The following WWP2 variants were observed in gnomAD, a reference collection of about 807,000 sequenced individuals.
The protein encoded by WWP2 is NEDD4-like E3 ubiquitin-protein ligase WWP2.
Under a neutral mutation model 121.0 loss-of-function variants are expected in WWP2, and 57 were observed. The observed-to-expected ratio is 0.47, with a 90% CI of 0.38 to 0.59. The LOEUF is 0.59. WWP2 is among the 20% of genes least tolerant of loss of function. The probability of loss-of-function intolerance (pLI) is 0.00; values close to 1 mark genes in which losing one functional copy is unlikely to be tolerated. For missense variants in WWP2, 962 were observed against 1,158.9 expected (o/e 0.83, Z 2.47); for synonymous variants, 449 against 441.3 (o/e 1.02, Z -0.22).
In WWP2 at chr16:69,811,119, C is replaced by T. The variant is rs1366456207; in HGVS notation, c.340+11824C>T. Among the ~76,000 whole-genome samples the T allele has an allele frequency of 6.6e-5, 10 of 152,222 alleles. 1 individual carries two copies. In the South Asian group the frequency reaches 2.1e-3, roughly 32 times the overall value. ...CTTATCAGCATGTTTCATCTGTTCC[C>T]ACCCACTGGCTGCTCTTAATTTCTT... On this transcript the variant is annotated intron_variant, in intron 4 of 23. Coordinates refer to ENST00000359154, the MANE Select transcript of WWP2 (RefSeq NM_001270454.2).
intron 4 of WWP2, among the ~76,000 whole-genome samples, chr16:69,810,259 G>T (rs377377176): frequency 2.0e-5 from 3 of 152,260 alleles, no homozygotes; most frequent in African/African-American, 7.2e-5. Context: ...CTCACGTCCC[G>T]CAGTGGCGGA....
chr16:69,875,397 A>G (rs961779163), intron 7 of WWP2, among the ~76,000 whole-genome samples: 1 of 152,242 alleles, frequency 6.6e-6, no homozygotes, highest in African/African-American at 2.4e-5. Flanking sequence ...GTTGAAGGTC[A>G]GGGTGGCTGT....
intron 4 of WWP2, among the ~76,000 whole-genome samples, chr16:69,803,726 G>A (rs2056219924): frequency 6.6e-6 from 1 of 152,186 alleles, no homozygotes; most frequent in African/African-American, 2.4e-5. Flanking sequence ...TAGCCAATAT[G>A]GTGAGACCCT....
chr16:69,872,833 G>A lies in WWP2; in HGVS notation c.703+902G>A, dbSNP rs145832829. 1.9e-3 allele frequency among the ~76,000 whole-genome samples: 286 copies of A among 152,306 alleles called. 5 individuals carry two copies. Among genetic ancestry groups the A allele is most frequent in the African/African-American group, 6.4e-3 (265 of 41,562 alleles). Reference sequence around the variant, plus strand: ...GCTCTGCTTCCCCGTAAGTGAGACGGGAAGGACCTATTTCAAAACAACTCA... The same window carrying A: ...GCTCTGCTTCCCCGTAAGTGAGACGAGAAGGACCTATTTCAAAACAACTCA... On this transcript the variant is annotated intron_variant, in intron 7 of 23. Coordinates refer to ENST00000359154, the MANE Select transcript of WWP2 (RefSeq NM_001270454.2).
At chr16:69,768,038 A>G (rs966160609) in intron 1 of WWP2, among the ~76,000 whole-genome samples, 3 of 151,952 alleles carry the variant, frequency 2.0e-5, no homozygotes, top group African/African-American at 7.3e-5. Context: ...GGGTCCCACT[A>G]TGTTACTCAG....
intron 16 of WWP2, among the ~76,000 whole-genome samples, chr16:69,932,870 A>G (rs2151993382): frequency 6.6e-6 from 1 of 152,234 alleles, no homozygotes; most frequent in East Asian, 1.9e-4. Context: ...AGAGAGAGAG[A>G]GCGCTGTGGC....
chr16:69,869,610 G>A (rs1007596496), intron 6 of WWP2, among the ~76,000 whole-genome samples: 7 of 152,010 alleles, frequency 4.6e-5, no homozygotes, highest in African/African-American at 9.7e-5. Context: ...CTCCCAAAGC[G>A]TTGGGATTAC....
chr16:69,770,363 G>A (rs906897159), intron 1 of WWP2, among the ~76,000 whole-genome samples: 13 of 152,244 alleles, frequency 8.5e-5, no homozygotes, highest in South Asian at 4.1e-4. Flanking sequence ...TCATGCCTGC[G>A]TAATGAAGCT....
At chr16:69,801,232 A>T (rs929641226) in intron 4 of WWP2, among the ~76,000 whole-genome samples, 15 of 145,034 alleles carry the variant, frequency 1.0e-4, no homozygotes, top group Non-Finnish European at 1.2e-4. Context: ...TTTTATTTTT[A>T]TATATATATA....
At chr16:69,905,735 T>C (rs1337722591) in intron 8 of WWP2, among the ~76,000 whole-genome samples, 1 of 152,252 alleles carries the variant, frequency 6.6e-6, no homozygotes, top group East Asian at 1.9e-4. Flanking sequence ...AGATCAGGAT[T>C]GGGAAGCCAC....
chr16:69,848,965 G>A (rs1479777357), intron 6 of WWP2, among the ~76,000 whole-genome samples: 1 of 151,950 alleles, frequency 6.6e-6, no homozygotes, highest in African/African-American at 2.4e-5. Flanking sequence ...TTTTTGTCCT[G>A]CTTTGATGAA....
chr16:69,771,795 G>A (rs755439660), intron 1 of WWP2, among the ~76,000 whole-genome samples: 1 of 151,904 alleles, frequency 6.6e-6, no homozygotes, highest in African/African-American at 2.4e-5. Flanking sequence ...ACCCAAGTGC[G>A]GGAAGGTGAG....
At chr16:69,921,013 C>T (rs1460716163) in intron 10 of WWP2, among the ~76,000 whole-genome samples, 2 of 152,032 alleles carry the variant, frequency 1.3e-5, no homozygotes, top group Admixed American at 6.6e-5. Context: ...GGAGGGTTCC[C>T]TAGAAGTAAA....
intron 7 of WWP2, among the ~76,000 whole-genome samples, chr16:69,884,165 C>T (rs2057881866): frequency 6.6e-6 from 1 of 152,180 alleles, no homozygotes; most frequent in African/African-American, 2.4e-5. Context: ...CATGTGTATG[C>T]ACACAAACTC....
rs1005978453 is a variant in WWP2 at position 69,925,798 on chromosome 16, C to T, written c.1234+314C>T. Reference sequence around the variant, plus strand: ...GGTCTTGAGTTTCAAGGTGTCTACTCAAGAGTCCATGCTACCACTAAGATA... The same window carrying T: ...GGTCTTGAGTTTCAAGGTGTCTACTTAAGAGTCCATGCTACCACTAAGATA... On this transcript the variant is annotated intron_variant, in intron 11 of 23. Coordinates refer to ENST00000359154, the MANE Select transcript of WWP2 (RefSeq NM_001270454.2). This position sits in a 1 kb window ranked among gnomAD's most constrained non-coding sequence, Gnocchi z 4.0. Among the ~76,000 whole-genome samples the T allele has an allele frequency of 2.0e-5, 3 of 152,186 alleles. No homozygotes were observed. The highest frequency in any genetic ancestry group is 4.4e-5 in the Non-Finnish European group (3 of 68,042).
intron 6 of WWP2, among the ~76,000 whole-genome samples, chr16:69,849,383 A>G (rs1332645880): frequency 2.6e-5 from 4 of 152,166 alleles, no homozygotes; most frequent in South Asian, 2.1e-4. Flanking sequence ...TGTCAGCAGG[A>G]AAGTCCTCCC....
At chr16:69,828,432 T>C (rs114634015) in intron 4 of WWP2, among the ~76,000 whole-genome samples, 23 of 152,318 alleles carry the variant, frequency 1.5e-4, no homozygotes, top group African/African-American at 5.1e-4. Flanking sequence ...AACAGCGCGA[T>C]CTCAGCTCAC....
At chr16:69,859,771 G>C (rs2057382665) in intron 6 of WWP2, among the ~76,000 whole-genome samples, 1 of 151,750 alleles carries the variant, frequency 6.6e-6, no homozygotes, top group African/African-American at 2.4e-5. Context: ...CCTGTGATTT[G>C]AATCTCTCTG....
At chr16:69,883,385 G>A (rs2057864200) in intron 7 of WWP2, among the ~76,000 whole-genome samples, 1 of 139,514 alleles carries the variant, frequency 7.2e-6, no homozygotes. Flanking sequence ...AAGCTTTCAT[G>A]TTCTAAGAAT....
Sources: gnomAD v4.1 joint callset for allele counts (sites outside exome capture counted in the v4.1 genomes callset) on GRCh38, gnomAD v4.1.1 for gene constraint, Gnocchi (gnomAD v3.1) non-coding constraint, MANE v1.5 for transcripts, NCBI Gene and HGNC (gene_info 2026-07-23, HGNC 2026-07-21) for gene names.